SYT1: variants seen among roughly 807,000 people sequenced by gnomAD.
SYT1 encodes synaptotagmin 1.
In SYT1, 8 loss-of-function variants were observed where a neutral mutation model predicts 44.8. The ratio of observed to expected loss-of-function variants is 0.18; its 90% confidence interval spans 0.10 to 0.32. The LOEUF (loss-of-function observed/expected upper bound fraction) is 0.32, where lower values mean the gene tolerates loss of function less well. Among genes scored for constraint, SYT1 ranks in the 10% least tolerant of loss-of-function variants. The pLI is 1.00. For synonymous variants in SYT1, 154 were observed against 188.8 expected, an observed-to-expected ratio of 0.82 and a Z score of 1.51; for missense variants, 286 against 509.3, an observed-to-expected ratio of 0.56 and a Z score of 4.22.
intron 3 of SYT1, among the ~76,000 whole-genome samples, chr12:79,204,698 C>T (rs1167612813): frequency 1.3e-5 from 2 of 151,924 alleles, no homozygotes; most frequent in African/African-American, 4.8e-5. Flanking sequence ...GATTTCAGTT[C>T]CATCTCTAGG....
rs1164342578 is a variant in SYT1, at chr12:79,259,339, C to T, written c.167-26448C>T. 3.3e-5 allele frequency among the ~76,000 whole-genome samples: 5 copies of T among 152,260 alleles called. No homozygotes were observed. The East Asian group carries it at 7.7e-4, about 24-fold the overall frequency. On this transcript the variant is annotated intron_variant, in intron 4 of 10. Transcript: ENST00000261205. ...TAAATGTTACAAATACAATACCTGA[C>T]ATTAAATTGTATTTCCTCTATATTG...
Position 79,038,647 on chromosome 12 carries a change from A to G in SYT1, c.-83-8650A>G, listed in dbSNP as rs191576469. 7.7e-3 allele frequency among the ~76,000 whole-genome samples: 1,175 copies of G among 151,982 alleles called. 55 individuals are homozygous for G. The highest frequency in any genetic ancestry group is 0.07 in the Admixed American group (1,060 of 15,224). Reference sequence around the variant, plus strand: ...TCTAACCACCAGTTTTGGCATTTCAATGGGAGAGGGTCCAAGACAGAAAAC... The same window carrying G: ...TCTAACCACCAGTTTTGGCATTTCAGTGGGAGAGGGTCCAAGACAGAAAAC... On this transcript the variant is annotated intron_variant, in intron 2 of 10. Transcript: ENST00000261205.
chr12:79,126,363 C>G (rs1007565063), intron 3 of SYT1, among the ~76,000 whole-genome samples: 3 of 152,182 alleles, frequency 2.0e-5, no homozygotes, highest in African/African-American at 7.2e-5. Context: ...CGGGTTCAAA[C>G]AATTCTCCTG....
intron 2 of SYT1, among the ~76,000 whole-genome samples, chr12:79,039,585 CAT>C (rs1873379073): frequency 6.6e-6 from 1 of 151,254 alleles, no homozygotes; most frequent in African/African-American, 2.4e-5. Flanking sequence ...GATTCTACCA[CAT>C]TTTTTATTTT....
At chr12:79,343,775 A>G (rs916051663) in intron 8 of SYT1, among the ~76,000 whole-genome samples, 1 of 152,232 alleles carries the variant, frequency 6.6e-6, no homozygotes, top group Non-Finnish European at 1.5e-5. Flanking sequence ...ATGAAACACA[A>G]TTTTGAAAAT....
intron 1 of SYT1, among the ~76,000 whole-genome samples, chr12:78,955,073 A>T (rs947124396): frequency 1.3e-5 from 2 of 152,080 alleles, no homozygotes; most frequent in African/African-American, 4.8e-5. Flanking sequence ...TTTTAATTTC[A>T]CATTTCTGGT....
At chr12:79,090,492 GAA>G (rs760700367) in intron 3 of SYT1, among the ~76,000 whole-genome samples, 2 of 151,828 alleles carry the variant, frequency 1.3e-5, no homozygotes, top group Non-Finnish European at 2.9e-5. Context: ...CATTCCTGAA[GAA>G]TTCGCCCCAT....
At chr12:79,031,897 C>T (rs1872851693) in intron 2 of SYT1, among the ~76,000 whole-genome samples, 1 of 151,054 alleles carries the variant, frequency 6.6e-6, no homozygotes. Flanking sequence ...TTTAATGATG[C>T]AAGCTGGCAT....
chr12:78,927,473 C>T (rs1002848005), intron 1 of SYT1, among the ~76,000 whole-genome samples: 2 of 152,016 alleles, frequency 1.3e-5, no homozygotes, highest in African/African-American at 2.4e-5. Flanking sequence ...GTCTTCCGTG[C>T]GTTATGAGAT....
intron 3 of SYT1, among the ~76,000 whole-genome samples, chr12:79,183,420 T>C (rs1039681709): frequency 6.6e-6 from 1 of 152,112 alleles, no homozygotes; most frequent in African/African-American, 2.4e-5. Flanking sequence ...TCTGGAGATA[T>C]TTTTAATTGC....
chr12:79,167,636 A>T (rs1430792938), intron 3 of SYT1, among the ~76,000 whole-genome samples: 1 of 152,072 alleles, frequency 6.6e-6, no homozygotes, highest in Non-Finnish European at 1.5e-5. Context: ...TTTTTACCAA[A>T]GAAACAAGAA....
At chr12:78,942,913 C>T (rs1462051348) in intron 1 of SYT1, among the ~76,000 whole-genome samples, 1 of 151,252 alleles carries the variant, frequency 6.6e-6, no homozygotes, top group Non-Finnish European at 1.5e-5. Flanking sequence ...TGAGACCATG[C>T]AAAGATAACT....
At chr12:78,946,465 G>A (rs1056238929) in intron 1 of SYT1, among the ~76,000 whole-genome samples, 6 of 152,222 alleles carry the variant, frequency 3.9e-5, no homozygotes, top group East Asian at 1.9e-4. Context: ...GACCAGCCTG[G>A]CCAACAAGGC....
At chr12:79,400,155 C>T (rs983658633) in intron 9 of SYT1, among the ~76,000 whole-genome samples, 5 of 152,124 alleles carry the variant, frequency 3.3e-5, no homozygotes, top group African/African-American at 9.7e-5. Flanking sequence ...ACTTCCTACT[C>T]GGCTTTCTCA....
intron 8 of SYT1, among the ~76,000 whole-genome samples, chr12:79,323,640 A>C (rs1302434872): frequency 6.6e-6 from 1 of 152,170 alleles, no homozygotes; most frequent in East Asian, 1.9e-4. Context: ...ACACATATTC[A>C]TGGATGCCAA....
At chr12:79,217,757 A>G (rs1874904554) in intron 4 of SYT1, 72 bp downstream of exon 4, 1 of 1,288,374 alleles carries the variant, frequency 7.8e-7, no homozygotes. Flanking sequence ...GAAAGAAAGT[A>G]GAACTCCGTT....
intron 9 of SYT1, among the ~76,000 whole-genome samples, chr12:79,354,647 T>C (rs1170993661): frequency 6.6e-6 from 1 of 152,210 alleles, no homozygotes; most frequent in East Asian, 1.9e-4. Context: ...AATTCTTTCA[T>C]GTCATTAAGA....
intron 2 of SYT1, among the ~76,000 whole-genome samples, chr12:79,032,537 A>G (rs930556059): frequency 7.9e-5 from 12 of 151,294 alleles, no homozygotes; most frequent in Non-Finnish European, 1.8e-4. Context: ...GTATTCAGCT[A>G]GAAGGGCTGA....
chr12:79,100,391 T>C (rs1184961328), intron 3 of SYT1, among the ~76,000 whole-genome samples: 1 of 152,064 alleles, frequency 6.6e-6, no homozygotes, highest in Non-Finnish European at 1.5e-5. Flanking sequence ...ACTGGTCTGC[T>C]AAGAAGTCAT....
Sources: gnomAD v4.1 joint callset for allele counts (sites outside exome capture counted in the v4.1 genomes callset) on GRCh38, gnomAD v4.1.1 for gene constraint, MANE v1.5 for transcripts, NCBI Gene and HGNC (gene_info 2026-07-23, HGNC 2026-07-21) for gene names.